TMEM132D: variants seen among roughly 807,000 people sequenced by gnomAD.
TMEM132D encodes the protein mature OL transmembrane protein.
A neutral mutation model predicts 62.3 loss-of-function variants in TMEM132D; 21 were observed. The observed-to-expected ratio is 0.34, with a 90% CI of 0.24 to 0.49. The LOEUF (loss-of-function observed/expected upper bound fraction) is 0.49. Ranked by LOEUF, TMEM132D falls within the 20% of genes least tolerant of loss-of-function variation. The pLI is 0.99. For missense variants in TMEM132D, 1,346 were observed against 1,402.8 expected (o/e 0.96, Z 0.65); for synonymous variants, 621 against 575.6 (o/e 1.08, Z -1.13).
intron 2 of TMEM132D, among the ~76,000 whole-genome samples, chr12:129,548,627 A>T (rs1211059691): frequency 1.6e-4 from 24 of 152,128 alleles, no homozygotes; most frequent in Admixed American, 1.6e-3. Flanking sequence ...ATCACAGAAG[A>T]GCCTGCTGAA....
At chr12:129,614,808 A>T (rs1878871758) in intron 2 of TMEM132D, among the ~76,000 whole-genome samples, 2 of 152,208 alleles carry the variant, frequency 1.3e-5, no homozygotes, top group Non-Finnish European at 2.9e-5. Flanking sequence ...TCCAAATGAT[A>T]TGAGAAATGT....
intron 3 of TMEM132D, among the ~76,000 whole-genome samples, chr12:129,466,139 CT>C (rs33998783): frequency 0.22 from 34,075 of 152,040 alleles, 4,016 homozygotes; most frequent in East Asian, 0.34. Context: ...ATTGATAATG[CT>C]TTTGTTATTG....
At chr12:129,337,861 AGG>A in intron 3 of TMEM132D, 44 bp from the exon 4 acceptor site, 1 of 1,548,466 alleles carries the variant, frequency 6.5e-7, no homozygotes, top group Non-Finnish European at 8.7e-7. Context: ...GGGACTGATG[AGG>A]TATGGCACGC....
chr12:129,839,560 GC>G (rs1873118836), intron 1 of TMEM132D, among the ~76,000 whole-genome samples: 1 of 152,120 alleles, frequency 6.6e-6, no homozygotes. Context: ...ACTGTGCCCG[GC>G]CTTAAACTTC....
chr12:129,185,365 A>G (rs979162708), intron 5 of TMEM132D, among the ~76,000 whole-genome samples: 1 of 152,230 alleles, frequency 6.6e-6, no homozygotes, highest in Non-Finnish European at 1.5e-5. Context: ...ACTTTTGAAA[A>G]CAAAACAAAA....
At chr12:129,610,293 AAGAG>A (rs113964184) in intron 2 of TMEM132D, among the ~76,000 whole-genome samples, 3 of 149,624 alleles carry the variant, frequency 2.0e-5, no homozygotes, top group East Asian at 2.0e-4. Flanking sequence ...AAAAAAAAAA[AAGAG>A]AGACAGAGAG....
chr12:129,492,272 C>T (rs1230235701), intron 3 of TMEM132D, among the ~76,000 whole-genome samples: 1 of 152,170 alleles, frequency 6.6e-6, no homozygotes, highest in East Asian at 1.9e-4. Context: ...GGAAATACTT[C>T]CTGGGAGATG....
chr12:129,085,272 TC>T (rs1298796145), intron 5 of TMEM132D: 1 of 153,894 alleles, frequency 6.5e-6, no homozygotes, highest in African/African-American at 2.4e-5. Flanking sequence ...CCTGAGAACG[TC>T]CTCAACAGGG....
chr12:129,372,372 G>A (rs1870635948), intron 3 of TMEM132D, among the ~76,000 whole-genome samples: 1 of 152,216 alleles, frequency 6.6e-6, no homozygotes, highest in Non-Finnish European at 1.5e-5. Flanking sequence ...GGGCTAGCAA[G>A]TGAAGCTTCA....
intron 5 of TMEM132D, among the ~76,000 whole-genome samples, chr12:129,137,208 CCATCAT>C (rs756184869): frequency 7.6e-4 from 115 of 151,604 alleles, no homozygotes; most frequent in African/African-American, 2.3e-3. Context: ...ATCATCATCA[CCATCAT>C]CATCATCACC....
intron 1 of TMEM132D, chr12:129,840,584 C>T (rs916264755): frequency 6.6e-6 from 1 of 152,230 alleles, no homozygotes; most frequent in African/African-American, 2.4e-5. Flanking sequence ...TTTTATGTCT[C>T]CGAGAAGGCA....
chr12:129,159,499 G>A (rs1463965760), intron 5 of TMEM132D, among the ~76,000 whole-genome samples: 1 of 152,182 alleles, frequency 6.6e-6, no homozygotes, highest in African/African-American at 2.4e-5. Flanking sequence ...ACTCACACCT[G>A]TAATCTCAGC....
At chr12:129,329,027 G>A (rs917597391) in intron 4 of TMEM132D, among the ~76,000 whole-genome samples, 1 of 147,228 alleles carries the variant, frequency 6.8e-6, no homozygotes, top group African/African-American at 2.5e-5. Context: ...TTATATATAT[G>A]TAAAGAATAT....
intron 1 of TMEM132D, among the ~76,000 whole-genome samples, chr12:129,702,726 G>A (rs116172579): frequency 0.012 from 1,756 of 152,328 alleles, 40 homozygotes; most frequent in African/African-American, 0.038. Flanking sequence ...TGACACGCAA[G>A]GCTTTTTTCT....
At chr12:129,147,749 G>T (rs1876953356) in intron 5 of TMEM132D, among the ~76,000 whole-genome samples, 1 of 152,180 alleles carries the variant, frequency 6.6e-6, no homozygotes. Flanking sequence ...ACCTGGTCAA[G>T]GTGTTGGCTG....
intron 2 of TMEM132D, among the ~76,000 whole-genome samples, chr12:129,568,308 C>T (rs1235302068): frequency 6.6e-6 from 1 of 152,194 alleles, no homozygotes; most frequent in Non-Finnish European, 1.5e-5. Context: ...GCAACTTACA[C>T]GACAACCTGG....
At chr12:129,485,621 C>T (rs923112546) in intron 3 of TMEM132D, among the ~76,000 whole-genome samples, 1 of 152,170 alleles carries the variant, frequency 6.6e-6, no homozygotes, top group Non-Finnish European at 1.5e-5. Flanking sequence ...AACGCAAGAC[C>T]AGGTGGCAGC....
At chr12:129,591,102 C>A (rs1878176391) in intron 2 of TMEM132D, among the ~76,000 whole-genome samples, 1 of 152,050 alleles carries the variant, frequency 6.6e-6, no homozygotes, top group South Asian at 2.1e-4. Context: ...AAACCCAAGG[C>A]ATGAAAGAAA....
At chr12:129,853,852 G>T (rs1873625019) in intron 1 of TMEM132D, 2 of 152,100 alleles carry the variant, frequency 1.3e-5, no homozygotes, top group African/African-American at 2.4e-5. Context: ...TAAGTTTACT[G>T]CAATACACTC....
Sources: gnomAD v4.1 joint callset for allele counts (sites outside exome capture counted in the v4.1 genomes callset) on GRCh38, gnomAD v4.1.1 for gene constraint, MANE v1.5 for transcripts, NCBI Gene and HGNC (gene_info 2026-07-23, HGNC 2026-07-21) for gene names.